The following MIPEP variants were observed in gnomAD, a reference collection of about 807,000 sequenced individuals.
MIPEP encodes the protein mitochondrial intermediate peptidase.
MIPEP carries 79 observed loss-of-function variants against 90.3 expected under a neutral mutation model. The observed-to-expected ratio is 0.87, with a 90% CI of 0.73 to 1.05. The LOEUF is 1.05. Ranked by LOEUF, MIPEP falls within the 50% of genes least tolerant of loss-of-function variation. The pLI, the probability that MIPEP is intolerant of heterozygous loss-of-function variation, is 0.00. For synonymous variants in MIPEP, 334 were observed against 315.8 expected (o/e 1.06, Z -0.61); for missense variants, 940 against 905.6 (o/e 1.04, Z -0.49).
At chr13:23,826,586 T>C (rs1417004793) in intron 14 of MIPEP, among the ~76,000 whole-genome samples, 2 of 152,142 alleles carry the variant, frequency 1.3e-5, no homozygotes, top group Non-Finnish European at 2.9e-5. Context: ...ACAATGGAAA[T>C]TACCAACTTT....
chr13:23,849,129 A>C (rs894283733), intron 10 of MIPEP, among the ~76,000 whole-genome samples: 2 of 152,232 alleles, frequency 1.3e-5, no homozygotes, highest in African/African-American at 4.8e-5. Context: ...CTGCCTCCAC[A>C]GAGCACTCCG....
intron 15 of MIPEP, among the ~76,000 whole-genome samples, chr13:23,809,352 T>TC (rs1299164123): frequency 6.7e-6 from 1 of 149,008 alleles, no homozygotes; most frequent in East Asian, 2.0e-4. Context: ...GAAATAGTCT[T>TC]TTTTTTTTTT....
chr13:23,754,857 C>T (rs1415263024), intron 18 of MIPEP, among the ~76,000 whole-genome samples: 1 of 152,144 alleles, frequency 6.6e-6, no homozygotes, highest in East Asian at 1.9e-4. Flanking sequence ...TTATGATGTG[C>T]CTATTGTTTC....
intron 16 of MIPEP, chr13:23,766,228 TACC>T (rs1336417724): frequency 6.6e-6 from 1 of 152,216 alleles, no homozygotes; most frequent in African/African-American, 2.4e-5. Context: ...CTAATTTTGG[TACC>T]ACATCTCCAG....
At chr13:23,839,611 T>A (rs747851953) in intron 12 of MIPEP, 38 bp downstream of exon 12, 8 of 1,349,602 alleles carry the variant, frequency 5.9e-6, no homozygotes, top group Non-Finnish European at 7.1e-6. Flanking sequence ...GAAATGCCGA[T>A]CGGTTCTAGA....
chr13:23,794,875 A>G (rs1186384270), intron 16 of MIPEP, among the ~76,000 whole-genome samples: 1 of 152,244 alleles, frequency 6.6e-6, no homozygotes. Context: ...TTCAATTTAT[A>G]ACACTTCTGT....
chr13:23,825,983 T>C (rs915841888), intron 14 of MIPEP, among the ~76,000 whole-genome samples: 3 of 152,072 alleles, frequency 2.0e-5, no homozygotes, highest in Admixed American at 1.3e-4. Flanking sequence ...GACACAACTA[T>C]ACAAAAAATA....
intron 10 of MIPEP, among the ~76,000 whole-genome samples, chr13:23,841,969 T>A (rs778988854): frequency 6.6e-6 from 1 of 152,168 alleles, no homozygotes; most frequent in Non-Finnish European, 1.5e-5. Flanking sequence ...TATTCATTTA[T>A]GAAAAAAATG....
intron 10 of MIPEP, among the ~76,000 whole-genome samples, chr13:23,858,155 G>C (rs1870126046): frequency 6.6e-6 from 1 of 151,940 alleles, no homozygotes; most frequent in Non-Finnish European, 1.5e-5. Context: ...ATATAAAGTT[G>C]CTTCAGCTAT....
chr13:23,764,404 T>C (rs1031585786), intron 16 of MIPEP, among the ~76,000 whole-genome samples: 3 of 152,154 alleles, frequency 2.0e-5, no homozygotes, highest in Non-Finnish European at 4.4e-5. Flanking sequence ...AATGCCACGA[T>C]TTTCCAGGGC....
rs184656279 is a variant in MIPEP at position 23,868,476 on chromosome 13, G to T, written c.943+816C>A. On this transcript the variant is annotated intron_variant, in intron 7 of 18. Transcript: ENST00000382172. ...CACAGAAGGAATAAAGACAAGCGAG[G>T]ATTCAGGTTGTGATCTGCCCCCAGT... Among the ~76,000 whole-genome samples the T allele has an allele frequency of 7.9e-4, 120 of 152,290 alleles. 1 individual carries two copies. Among genetic ancestry groups the T allele is most frequent in the Admixed American group, 3.6e-3 (55 of 15,296 alleles).
intron 14 of MIPEP, among the ~76,000 whole-genome samples, chr13:23,825,607 A>T (rs911659778): frequency 1.3e-5 from 2 of 152,232 alleles, no homozygotes; most frequent in African/African-American, 4.8e-5. Context: ...TTTAACGAGA[A>T]AATACCTGGA....
intron 14 of MIPEP, among the ~76,000 whole-genome samples, chr13:23,833,915 C>T (rs1868895730): frequency 1.3e-5 from 2 of 152,128 alleles, no homozygotes; most frequent in South Asian, 4.2e-4. Context: ...TCGCAGAAAC[C>T]CCTCCTGGCG....
intron 14 of MIPEP, among the ~76,000 whole-genome samples, chr13:23,821,789 C>T (rs528949667): frequency 6.6e-6 from 1 of 152,304 alleles, no homozygotes; most frequent in South Asian, 2.1e-4. Context: ...GTCTAGACTA[C>T]TTGTAATACC....
intron 16 of MIPEP, among the ~76,000 whole-genome samples, chr13:23,805,039 C>T (rs7324717): frequency 0.97 from 147,437 of 152,244 alleles, 71,598 homozygotes; most frequent in East Asian, 1. Context: ...TTTCTAACGA[C>T]ATTGTGGGAG....
intron 14 of MIPEP, among the ~76,000 whole-genome samples, chr13:23,835,178 G>C (rs75370290): frequency 6.6e-6 from 1 of 151,548 alleles, no homozygotes; most frequent in Non-Finnish European, 1.5e-5. Context: ...GTGCCACTGC[G>C]CCTGGCTAAC....
chr13:23,857,675 T>C lies in MIPEP; in HGVS notation c.1106+1185A>G, dbSNP rs77241665. 3.5e-3 allele frequency among the ~76,000 whole-genome samples: 529 copies of C among 152,344 alleles called. 5 individuals are homozygous for C. The highest frequency in any genetic ancestry group is 0.012 in the African/African-American group (490 of 41,584). ...TATGCCTTGTAAGTAAAAATGGTTT[T>C]GGCAACAGTGATAGATGGAGACCAA... On this transcript the variant is annotated intron_variant, in intron 10 of 18. Transcript: ENST00000382172.
chr13:23,823,018 C>T (rs939256164), intron 14 of MIPEP, among the ~76,000 whole-genome samples: 1 of 152,046 alleles, frequency 6.6e-6, no homozygotes, highest in African/African-American at 2.4e-5. Context: ...ACTTCACATC[C>T]ATTAAATCAG....
chr13:23,759,490 T>TC (rs1952517728), intron 17 of MIPEP, among the ~76,000 whole-genome samples: 1 of 134,802 alleles, frequency 7.4e-6, no homozygotes, highest in African/African-American at 2.9e-5. Context: ...CGGGACGGGA[T>TC]CCCCCACACC....
Sources: gnomAD v4.1 joint callset for allele counts (sites outside exome capture counted in the v4.1 genomes callset) on GRCh38, gnomAD v4.1.1 for gene constraint, MANE v1.5 for transcripts, NCBI Gene and HGNC (gene_info 2026-07-23, HGNC 2026-07-21) for gene names.